Variants in PARP16 observed in about 807,000 individuals in gnomAD.
PARP16 encodes the protein protein mono-ADP-ribosyltransferase PARP16.
Under a neutral mutation model 35.0 loss-of-function variants are expected in PARP16, and 31 were observed. The observed-to-expected ratio is 0.88, with a 90% confidence interval of 0.66 to 1.19. PARP16 has a LOEUF of 1.19. Ranked by LOEUF, PARP16 falls within the 50% of genes most tolerant of loss-of-function variation. The pLI is 0.00. For synonymous variants in PARP16, 162 were observed against 169.5 expected, an observed-to-expected ratio of 0.96 and a Z score of 0.34; for missense variants, 424 against 411.2, an observed-to-expected ratio of 1.03 and a Z score of -0.27.
At chr15:65,243,320 C>T (rs1220865078) in intron 3 of PARP16, among the ~76,000 whole-genome samples, 1 of 151,932 alleles carries the variant, frequency 6.6e-6, no homozygotes, top group Non-Finnish European at 1.5e-5. Context: ...GGCGCAATCT[C>T]AGCTCTGCAA....
At chr15:65,254,818 A>C (rs1378264788), downstream of PARP16, among the ~76,000 whole-genome samples, 1 of 152,170 alleles carries the variant, frequency 6.6e-6, no homozygotes, top group Non-Finnish European at 1.5e-5. Context: ...TTTTGTAGGC[A>C]ATCAGTGTTT....
intron 5 of PARP16, 76 bp from the exon 6 acceptor site, chr15:65,259,618 G>A: frequency 7.5e-7 from 1 of 1,328,260 alleles, no homozygotes; most frequent in Non-Finnish European, 1.1e-6. Context: ...AACAAGTCTG[G>A]CTCTAAGAAG....
chr15:65,239,467 A>G (rs2088986487), intron 3 of PARP16, among the ~76,000 whole-genome samples: 6 of 146,266 alleles, frequency 4.1e-5, no homozygotes, highest in African/African-American at 1.0e-4. Flanking sequence ...AGAAAAGAAA[A>G]AAAAAAGAAA....
chr15:65,231,871 A>T (rs963411755), downstream of PARP16, among the ~76,000 whole-genome samples: 4 of 151,982 alleles, frequency 2.6e-5, no homozygotes, highest in Non-Finnish European at 5.9e-5. Flanking sequence ...TCCATCTAGG[A>T]TCACTTTTTA....
At chr15:65,246,706 G>A (rs1465319465) in intron 3 of PARP16, among the ~76,000 whole-genome samples, 1 of 152,190 alleles carries the variant, frequency 6.6e-6, no homozygotes, top group African/African-American at 2.4e-5. Context: ...CTGAGAAGAT[G>A]TCAAGGATCC....
intron 1 of PARP16, among the ~76,000 whole-genome samples, chr15:65,285,015 C>T (rs149179313): frequency 5.9e-5 from 9 of 152,018 alleles, no homozygotes; most frequent in African/African-American, 2.2e-4. Flanking sequence ...CTAGGCTGGT[C>T]TCAAACGATC....
At chr15:65,253,456 A>T (rs1000328491), downstream of PARP16, among the ~76,000 whole-genome samples, 1 of 149,342 alleles carries the variant, frequency 6.7e-6, no homozygotes, top group African/African-American at 2.5e-5. Flanking sequence ...TCAGCCTCCC[A>T]AGTAGCTGGG....
intron 3 of PARP16, among the ~76,000 whole-genome samples, chr15:65,237,046 A>G (rs1473282147): frequency 6.6e-6 from 1 of 152,126 alleles, no homozygotes; most frequent in Non-Finnish European, 1.5e-5. Flanking sequence ...GGAGAGTGAT[A>G]TGAACACATT....
chr15:65,280,090 T>C (rs1368773092), intron 1 of PARP16, among the ~76,000 whole-genome samples: 1 of 152,042 alleles, frequency 6.6e-6, no homozygotes, highest in African/African-American at 2.4e-5. Flanking sequence ...CCCCAGTTAA[T>C]GTCAATATTC....
chr15:65,270,998 C>A lies in PARP16; in HGVS notation c.249G>T (p.Trp83Cys). The change falls in exon 2 of 6, where the codon TGG (tryptophan) becomes TGT (cysteine). Residue 83 changes from tryptophan (W) to cysteine (C), a missense_variant. Transcript: ENST00000649807. Reference protein sequence around the residue: ...QSSGDNHKRAWDLVSWILSSK... With the variant: ...QSSGDNHKRACDLVSWILSSK... ...AGGATAAAATCCAGCTCACCAGGTC[C>A]CAGGCCCGTTTGTGGTTGTCTCCGG... 5 of 1,614,100 alleles carry A rather than the reference C, an allele frequency of 3.1e-6. No homozygotes were observed. The highest frequency in any genetic ancestry group is 4.2e-6 in the Non-Finnish European group (5 of 1,180,004).
At chr15:65,248,637 C>T (rs953621469) in intron 2 of PARP16, among the ~76,000 whole-genome samples, 2 of 152,200 alleles carry the variant, frequency 1.3e-5, no homozygotes, top group Non-Finnish European at 2.9e-5. Context: ...AAAGGCAAAG[C>T]TGCAGGCCCA....
chr15:65,242,674 T>C (rs2089110351), intron 3 of PARP16, among the ~76,000 whole-genome samples: 1 of 152,208 alleles, frequency 6.6e-6, no homozygotes, highest in African/African-American at 2.4e-5. Context: ...ATTAATCTTG[T>C]ATCCTGCAAC....
Position 65,240,312 on chromosome 15 carries a change from TG to T in PARP16, c.*98-5490del, listed in dbSNP as rs1183574054. On this transcript the variant is annotated intron_variant and NMD_transcript_variant, in intron 3 of 3. Transcript: ENST00000559805. ...GCCTGGCTAGTGTGTGTGTGTGTGG[TG>T]GGGGGGGCTAGTGTGTGTGTGTGTG... Among the ~76,000 whole-genome samples the T allele has an allele frequency of 3.5e-3, 358 of 102,240 alleles. 5 individuals are homozygous for T. The highest frequency in any genetic ancestry group is 0.012 in the African/African-American group (325 of 27,164). The allele number at this position is 102,240 out of a possible 152,430, so 67.1% of individuals were successfully genotyped here.
rs957157241 is a variant in PARP16, at chr15:65,261,517, G to A, written c.692-491C>T. ...TTCGTCCAGGCTGGAGTGCAACAGC[G>A]CAGTTTTGGCTTACTACAACCTCTG... On this transcript the variant is annotated intron_variant, in intron 4 of 5. Transcript: ENST00000649807. Among the ~76,000 whole-genome samples the A allele has an allele frequency of 8.0e-5, 12 of 150,716 alleles. No individual in the cohort carries two copies. In the South Asian group the frequency reaches 1.3e-3, roughly 16 times the overall value.
chr15:65,255,532 G>A (rs890428188), downstream of PARP16, among the ~76,000 whole-genome samples: 2 of 151,772 alleles, frequency 1.3e-5, no homozygotes, highest in South Asian at 2.1e-4. Context: ...CTGCCCACTC[G>A]AACCCTCTAG....
chr15:65,284,923 T>C (rs1316146139), intron 1 of PARP16, among the ~76,000 whole-genome samples: 3 of 144,058 alleles, frequency 2.1e-5, no homozygotes, highest in Non-Finnish European at 4.5e-5. Context: ...ACTCAAGCCA[T>C]CCTCCCGCCT....
chr15:65,270,125 T>G (rs507538), intron 2 of PARP16, among the ~76,000 whole-genome samples: 2 of 152,248 alleles, frequency 1.3e-5, no homozygotes, highest in Non-Finnish European at 2.9e-5. Context: ...GTAAAATTGA[T>G]TACTCTTAAA....
intron 3 of PARP16, among the ~76,000 whole-genome samples, chr15:65,237,070 T>C (rs987828774): frequency 1.5e-4 from 23 of 151,590 alleles, no homozygotes; most frequent in African/African-American, 5.3e-4. Flanking sequence ...AACTTAAAGA[T>C]CACTTTGGCT....
At chr15:65,277,683 G>A (rs1197422505) in intron 1 of PARP16, among the ~76,000 whole-genome samples, 1 of 152,160 alleles carries the variant, frequency 6.6e-6, no homozygotes, top group East Asian at 1.9e-4. Flanking sequence ...CTATTCTCCT[G>A]CCATACACTC....
Sources: allele counts gnomAD v4.1 joint callset (sites outside exome capture counted in the v4.1 genomes callset), GRCh38; gene constraint gnomAD v4.1.1; transcripts MANE v1.5; gene names NCBI Gene and HGNC (gene_info 2026-07-23, HGNC 2026-07-21).